Variants in XPO6 observed in about 807,000 individuals in gnomAD.
The protein encoded by XPO6 is exportin 6, also known as exportin-6.
In XPO6, 3 loss-of-function variants were observed where a neutral mutation model predicts 130.0. The ratio of observed to expected loss-of-function variants is 0.02; its 90% confidence interval spans 0.01 to 0.06. XPO6 has a LOEUF of 0.06. Among genes scored for constraint, XPO6 ranks in the 10% least tolerant of loss-of-function variants. The pLI, the probability that XPO6 is intolerant of heterozygous loss-of-function variation, is 1.00. For missense variants in XPO6, 970 were observed against 1,393.0 expected (o/e 0.70, Z 4.83); for synonymous variants, 524 against 548.9 (o/e 0.95, Z 0.63).
Position 28,175,921 on chromosome 16 carries a change from C to T in XPO6, c.382G>A (p.Asp128Asn), listed in dbSNP as rs377255371. 3.7e-6 allele frequency: 6 copies of T among 1,613,960 alleles called. No homozygotes were observed. Among genetic ancestry groups the T allele is most frequent in the South Asian group, 2.2e-5 (2 of 91,080 alleles). Residue 128 changes from aspartate (D) to asparagine (N), a missense_variant, in exon 4 of 24, where the codon GAC becomes AAC. Physicochemically the swap from Asp to Asn is conservative, Grantham distance 23. Transcript: ENST00000304658. ...GRQDWPMFYH[D>N]FFTNILQLIQ... ...ACCTGTAAAATGTTAGTAAAAAAGTCGTGGTAGAACATGGGCCAATCCTGA... is the reference window on the plus strand; with the variant it reads ...ACCTGTAAAATGTTAGTAAAAAAGTTGTGGTAGAACATGGGCCAATCCTGA...
intron 6 of XPO6, among the ~76,000 whole-genome samples, chr16:28,163,684 G>A (rs2043312940): frequency 6.6e-6 from 1 of 152,184 alleles, no homozygotes; most frequent in African/African-American, 2.4e-5. Context: ...GGTCAGAGAA[G>A]GTGAAGGATC....
At chr16:28,121,838 C>T in intron 13 of XPO6, 76 bp from the exon 14 acceptor site, 1 of 977,334 alleles carries the variant, frequency 1.0e-6, no homozygotes, top group African/African-American at 1.6e-5. Context: ...AGGCTGGTAC[C>T]AGCAAAGAGC....
Position 28,098,445 on chromosome 16 carries a change from T to G in XPO6, c.*93A>C. 1.7e-6 allele frequency: 2 copies of G among 1,143,998 alleles called. No individual in the cohort carries two copies. The highest frequency in any genetic ancestry group is 2.5e-6 in the Non-Finnish European group (2 of 792,768). 70.9% of individuals were successfully genotyped at this position (1,143,998 alleles called of 1,614,324 possible). ...TTGCGGTGGGAGAAGCCAAGGAGTG[T>G]GACCAAGGCCCATCTGGGAGACATC... is the stretch of plus-strand genomic sequence containing the variant. On this transcript the variant is annotated 3_prime_UTR_variant, in exon 24 of 24. Coordinates refer to ENST00000304658, the MANE Select transcript of XPO6 (RefSeq NM_015171.4).
chr16:28,101,532 C>G lies in XPO6; in HGVS notation c.3202G>C (p.Glu1068Gln). Reference sequence around the variant, plus strand: ...ACACCATCACAGCTGGTCAGGAACTCTGGGAGGAAGGCGGCAAAGAAGCCA... The same window carrying G: ...ACACCATCACAGCTGGTCAGGAACTGTGGGAGGAAGGCGGCAAAGAAGCCA... ...FDGFFAAFLP[E>Q]FLTSCDGVDA... Residue 1068 changes from glutamate (E) to glutamine (Q), a missense_variant, in exon 23 of 24, where the codon GAG becomes CAG. Around this residue, in one of 4 missense-constraint regions of XPO6, gnomAD observed 936 missense variants for 1,306.8 expected, o/e 0.72. Transcript: ENST00000304658. This position sits in a 1 kb window ranked among gnomAD's most constrained non-coding sequence, Gnocchi z 5.4. 1.2e-6 allele frequency: 2 copies of G among 1,614,262 alleles called. No individual in the cohort carries two copies. The highest frequency in any genetic ancestry group is 1.7e-6 in the Non-Finnish European group (2 of 1,180,044).
intron 13 of XPO6, among the ~76,000 whole-genome samples, chr16:28,123,662 G>C (rs745343028): frequency 2.6e-5 from 4 of 152,126 alleles, no homozygotes; most frequent in Non-Finnish European, 5.9e-5. Flanking sequence ...AAAGAACTAA[G>C]GTTCCCAAAG....
rs1419577880 is a variant in XPO6, at chr16:28,097,985, C to A, written c.*553G>T. 6.6e-6 allele frequency: 1 copy of A among 152,642 alleles called. No homozygotes were observed. Among genetic ancestry groups the A allele is most frequent in the Non-Finnish European group, 1.5e-5 (1 of 68,126 alleles). The allele number at this position is 152,642 out of a possible 1,614,324, so 9.5% of individuals were successfully genotyped here. On this transcript the variant is annotated 3_prime_UTR_variant, in exon 24 of 24. Transcript: ENST00000304658. ...AGCTCCCCAGCCAGGGTTTCTAGAA[C>A]AACAACATAGGCATTTTATTTCTTT...
Position 28,166,713 on chromosome 16 carries a change from C to T in XPO6, c.566-128G>A, listed in dbSNP as rs143824943. 8.9e-4 allele frequency: 1,321 copies of T among 1,485,010 alleles called. 13 individuals carry two copies. In the African/African-American group the frequency reaches 0.017, roughly 19 times the overall value. The allele number at this position is 1,485,010 out of a possible 1,614,324, so 92.0% of individuals were successfully genotyped here. A position where few individuals can be genotyped will look rare whatever the true frequency, so the allele number is the denominator to read the frequency against. ...TTGAACATCCCTTTCTTGACCATGT[C>T]CTCCTCCAGCTAGCGGCTGTGCCTC... is the stretch of plus-strand genomic sequence containing the variant. On this transcript the variant is annotated intron_variant, in intron 5 of 23. Transcript: ENST00000304658.
intron 1 of XPO6, among the ~76,000 whole-genome samples, chr16:28,182,527 T>C (rs531437570): frequency 6.6e-6 from 1 of 152,296 alleles, no homozygotes; most frequent in African/African-American, 2.4e-5. Context: ...CTTTGAGCGC[T>C]TGTGAGTGAG....
Position 28,101,584 on chromosome 16 carries a change from G to C in XPO6, c.3150C>G (p.Ile1050Met). ...DLLQEEIGIA[I>M]YNMASVDFDG... ...CAAAGTCGACTGAGGCCATGTTGTAGATGGCGATGCCAATCTCCTCCTGCA... is the reference window on the plus strand; with the variant it reads ...CAAAGTCGACTGAGGCCATGTTGTACATGGCGATGCCAATCTCCTCCTGCA... Residue 1050 changes from isoleucine (I) to methionine (M), a missense_variant, in exon 23 of 24, where the codon ATC (isoleucine) becomes ATG (methionine). By Grantham distance (10) the Ile-to-Met change is conservative (BLOSUM62 1). Coordinates refer to ENST00000304658, the MANE Select transcript of XPO6 (RefSeq NM_015171.4). This position sits in a 1 kb window ranked among gnomAD's most constrained non-coding sequence, Gnocchi z 5.4. The C allele has an allele frequency of 6.2e-7, 1 of 1,614,256 alleles. No individual in the cohort carries two copies. Among genetic ancestry groups the C allele is most frequent in the Non-Finnish European group, 8.5e-7 (1 of 1,180,042 alleles).
At chr16:28,171,965 C>CT (rs2141855234) in intron 4 of XPO6, among the ~76,000 whole-genome samples, 1 of 152,280 alleles carries the variant, frequency 6.6e-6, no homozygotes, top group South Asian at 2.1e-4. Flanking sequence ...CATCCTTACT[C>CT]TCTCAGCTGG....
chr16:28,138,259 T>C (rs1031800917), intron 9 of XPO6, among the ~76,000 whole-genome samples: 2 of 152,178 alleles, frequency 1.3e-5, no homozygotes, highest in African/African-American at 4.8e-5. Context: ...TTACAGAAGT[T>C]CCACACTATA....
At chr16:28,177,597 C>T (rs985567514) in intron 2 of XPO6, among the ~76,000 whole-genome samples, 1 of 152,142 alleles carries the variant, frequency 6.6e-6, no homozygotes, top group Non-Finnish European at 1.5e-5. Flanking sequence ...ACTTTCACTG[C>T]TAAAGTTCTT....
chr16:28,144,213 A>AC (rs2042943893), intron 9 of XPO6, among the ~76,000 whole-genome samples: 1 of 152,244 alleles, frequency 6.6e-6, no homozygotes, highest in African/African-American at 2.4e-5. Flanking sequence ...TGATATATGA[A>AC]CGTACTACCT....
chr16:28,177,160 G>A, intron 3 of XPO6, 60 bp downstream of exon 3: 1 of 1,164,360 alleles, frequency 8.6e-7, no homozygotes, highest in Non-Finnish European at 1.2e-6. Context: ...TAGTGCTAAT[G>A]ATATGGCAAT....
intron 4 of XPO6, among the ~76,000 whole-genome samples, chr16:28,170,863 T>C (rs28648030): frequency 0.069 from 10,505 of 152,286 alleles, 1,150 homozygotes; most frequent in African/African-American, 0.23. Context: ...AGCAAAGCAC[T>C]ACTTACATCT....
chr16:28,124,135 G>C (rs1433459844), intron 13 of XPO6, among the ~76,000 whole-genome samples: 1 of 149,382 alleles, frequency 6.7e-6, no homozygotes, highest in African/African-American at 2.5e-5. Context: ...TCAGCTCACT[G>C]CAACCTCCGC....
chr16:28,193,513 T>C (rs1487002334), intron 1 of XPO6, among the ~76,000 whole-genome samples: 1 of 152,136 alleles, frequency 6.6e-6, no homozygotes, highest in Non-Finnish European at 1.5e-5. Context: ...TAAAAAACTA[T>C]ATTGTAATAC....
At chr16:28,099,277 C>A (rs1406747112) in intron 23 of XPO6, among the ~76,000 whole-genome samples, 1 of 152,148 alleles carries the variant, frequency 6.6e-6, no homozygotes, top group African/African-American at 2.4e-5. Flanking sequence ...CCATCATGCA[C>A]ACGGTGAGAC....
At chr16:28,099,396 C>G (rs558279192) in intron 23 of XPO6, among the ~76,000 whole-genome samples, 1 of 152,258 alleles carries the variant, frequency 6.6e-6, no homozygotes, top group Non-Finnish European at 1.5e-5. Flanking sequence ...ACCACTATTC[C>G]TCTTCCAGAA....
Sources: allele counts gnomAD v4.1 joint callset (sites outside exome capture counted in the v4.1 genomes callset), GRCh38; gene constraint gnomAD v4.1.1; regional missense constraint gnomAD v4.1.1; non-coding constraint Gnocchi (gnomAD v3.1); transcripts MANE v1.5; gene names NCBI Gene and HGNC (gene_info 2026-07-23, HGNC 2026-07-21).